Variants in PRKG1 observed in about 807,000 individuals in gnomAD.
PRKG1 encodes the protein cGMP-dependent protein kinase 1.
A neutral mutation model predicts 88.1 loss-of-function variants in PRKG1; 35 were observed. That is an observed-to-expected ratio of 0.40 (90% CI 0.30 to 0.53). The LOEUF (loss-of-function observed/expected upper bound fraction) is 0.53, where lower values mean the gene tolerates loss of function less well. Ranked by LOEUF, PRKG1 falls within the 20% of genes least tolerant of loss-of-function variation. The pLI is 0.59. For missense variants in PRKG1, 540 were observed against 839.8 expected (o/e 0.64, Z 4.41); for synonymous variants, 303 against 292.5 (o/e 1.04, Z -0.37).
intron 2 of PRKG1, among the ~76,000 whole-genome samples, chr10:51,339,690 G>A (rs189038818): frequency 1.4e-3 from 218 of 151,564 alleles, no homozygotes; most frequent in African/African-American, 5.1e-3. Context: ...ATTTTCTCAT[G>A]CAAAGTATAT....
At chr10:51,606,253 G>A (rs375670258) in intron 3 of PRKG1, among the ~76,000 whole-genome samples, 128 of 152,072 alleles carry the variant, frequency 8.4e-4, no homozygotes, top group Middle Eastern at 3.4e-3. Context: ...CAGACTAATT[G>A]GGTAACTAGC....
At chr10:51,263,721 G>T (rs1327900827) in intron 2 of PRKG1, among the ~76,000 whole-genome samples, 1 of 152,130 alleles carries the variant, frequency 6.6e-6, no homozygotes, top group Non-Finnish European at 1.5e-5. Context: ...TACAAGAAAA[G>T]GAGTGATATT....
At chr10:51,973,991 G>A (rs1843769324) in intron 5 of PRKG1, among the ~76,000 whole-genome samples, 1 of 151,992 alleles carries the variant, frequency 6.6e-6, no homozygotes. Context: ...CACAAATGAA[G>A]TTATTTTGGA....
chr10:52,065,322 G>A (rs1246332833), intron 7 of PRKG1, among the ~76,000 whole-genome samples: 1 of 152,156 alleles, frequency 6.6e-6, no homozygotes, highest in Non-Finnish European at 1.5e-5. Context: ...GTACAGGAGT[G>A]TCTCCTAGGG....
chr10:51,758,297 A>G lies in PRKG1; in HGVS notation c.593-46288A>G, dbSNP rs76929686. 1.1e-3 allele frequency among the ~76,000 whole-genome samples: 172 copies of G among 152,366 alleles called. No individual in the cohort carries two copies. The East Asian group carries it at 0.023, about 21-fold the overall frequency. On this transcript the variant is annotated intron_variant, in intron 3 of 17. Coordinates refer to ENST00000373980, the MANE Select transcript of PRKG1 (RefSeq NM_006258.4). ...TGTATAAATCTTTAAAAAAATATACATAAAAATACCAGTTCATTGCAGAAA... is the reference window on the plus strand; with the variant it reads ...TGTATAAATCTTTAAAAAAATATACGTAAAAATACCAGTTCATTGCAGAAA...
At position 51,887,568 on chromosome 10, in the gene PRKG1, G is replaced by A. The variant is rs1454477696; in HGVS notation, c.699-19939G>A. Among the ~76,000 whole-genome samples, 6 of 152,092 alleles carry A rather than the reference G, an allele frequency of 3.9e-5. No individual in the cohort carries two copies. The South Asian group carries it at 6.2e-4, about 16-fold the overall frequency. Reference sequence around the variant, plus strand: ...AGAGTTCTAATTCCTCCACAAGCTCGCCAACACTTACCTTTTGTTTCTGTT... The same window carrying A: ...AGAGTTCTAATTCCTCCACAAGCTCACCAACACTTACCTTTTGTTTCTGTT... On this transcript the variant is annotated intron_variant, in intron 4 of 17. Coordinates refer to ENST00000373980, the MANE Select transcript of PRKG1 (RefSeq NM_006258.4).
intron 3 of PRKG1, among the ~76,000 whole-genome samples, chr10:51,576,225 AC>A (rs1450125796): frequency 6.6e-6 from 1 of 151,964 alleles, no homozygotes; most frequent in African/African-American, 2.4e-5. Context: ...TACAAATCCA[AC>A]CCAATTTATA....
chr10:52,247,513 CACTT>C (rs1841056428), intron 9 of PRKG1, among the ~76,000 whole-genome samples: 1 of 152,126 alleles, frequency 6.6e-6, no homozygotes, highest in Non-Finnish European at 1.5e-5. Context: ...CCATCTTCCT[CACTT>C]AAACTTTTAT....
At chr10:51,699,230 G>A in intron 3 of PRKG1, 1 of 1,614,106 alleles carries the variant, frequency 6.2e-7, no homozygotes, top group South Asian at 1.1e-5. Context: ...AATGGGCGCT[G>A]CAGGCCCAAG....
intron 13 of PRKG1, among the ~76,000 whole-genome samples, chr10:52,281,845 G>C (rs1000066704): frequency 1.3e-5 from 2 of 152,062 alleles, no homozygotes; most frequent in African/African-American, 4.8e-5. Flanking sequence ...AAGAGATTCT[G>C]TGTTTACACT....
At chr10:52,291,625 G>A (rs1385458117) in intron 17 of PRKG1, among the ~76,000 whole-genome samples, 3 of 152,028 alleles carry the variant, frequency 2.0e-5, no homozygotes, top group African/African-American at 7.2e-5. Context: ...GTGTATACGT[G>A]CCACATTTTC....
At chr10:51,322,311 G>C (rs1007685197) in intron 2 of PRKG1, among the ~76,000 whole-genome samples, 2 of 152,158 alleles carry the variant, frequency 1.3e-5, no homozygotes, top group African/African-American at 4.8e-5. Flanking sequence ...TTGAGCAAAT[G>C]CAATCAGTCA....
chr10:51,706,421 A>C (rs1030141523), intron 3 of PRKG1, among the ~76,000 whole-genome samples: 28 of 152,162 alleles, frequency 1.8e-4, no homozygotes, highest in African/African-American at 6.5e-4. Context: ...TGCAGATTAC[A>C]TGAATTTGGG....
chr10:51,157,818 TTTC>T (rs1846252306), intron 2 of PRKG1, among the ~76,000 whole-genome samples: 1 of 133,426 alleles, frequency 7.5e-6, no homozygotes, highest in Non-Finnish European at 1.6e-5. Context: ...TTTTTTTGCA[TTTC>T]AAATTTTATT....
intron 4 of PRKG1, among the ~76,000 whole-genome samples, chr10:51,879,249 GT>G (rs1294855639): frequency 6.6e-6 from 1 of 152,170 alleles, no homozygotes; most frequent in Admixed American, 6.5e-5. Flanking sequence ...CCTTTGATTA[GT>G]TTTGTTTTGC....
intron 2 of PRKG1, among the ~76,000 whole-genome samples, chr10:51,249,933 T>C (rs1839387052): frequency 6.6e-6 from 1 of 151,864 alleles, no homozygotes; most frequent in Non-Finnish European, 1.5e-5. Flanking sequence ...AAAGCGTAAG[T>C]AATATGTTAG....
At chr10:51,347,987 C>T (rs977188991) in intron 2 of PRKG1, among the ~76,000 whole-genome samples, 14 of 151,878 alleles carry the variant, frequency 9.2e-5, no homozygotes, top group South Asian at 2.1e-4. Flanking sequence ...GGCGTGAACC[C>T]GGGAGGCGGA....
chr10:51,058,048 T>G (rs1369225957), intron 1 of PRKG1, among the ~76,000 whole-genome samples: 4 of 152,178 alleles, frequency 2.6e-5, no homozygotes, highest in African/African-American at 9.6e-5. Context: ...ATTTTAGCCA[T>G]TTGGGTAGAT....
At chr10:51,120,803 G>T (rs954192110) in intron 1 of PRKG1, among the ~76,000 whole-genome samples, 4 of 152,008 alleles carry the variant, frequency 2.6e-5, no homozygotes, top group Non-Finnish European at 2.9e-5. Context: ...ATTTCCTATT[G>T]TTGCTGTAAC....
Sources: gnomAD v4.1 joint callset for allele counts (sites outside exome capture counted in the v4.1 genomes callset) on GRCh38, gnomAD v4.1.1 for gene constraint, MANE v1.5 for transcripts, NCBI Gene and HGNC (gene_info 2026-07-23, HGNC 2026-07-21) for gene names.